Variants in DIAPH2 observed in about 807,000 individuals in gnomAD.
DIAPH2 encodes the protein diaphanous related formin 2, also known as protein diaphanous homolog 2.
DIAPH2 carries 35 observed loss-of-function variants against 92.7 expected under a neutral mutation model. The observed-to-expected ratio is 0.38, with a 90% CI of 0.29 to 0.50. The LOEUF (loss-of-function observed/expected upper bound fraction) is 0.50. Ranked by LOEUF, DIAPH2 falls within the 20% of genes least tolerant of loss-of-function variation. The probability of loss-of-function intolerance (pLI) is 0.94; values close to 1 mark genes in which losing one functional copy is unlikely to be tolerated. For missense variants in DIAPH2, 701 were observed against 819.5 expected, an observed-to-expected ratio of 0.86 and a Z score of 1.77; for synonymous variants, 301 against 280.4, an observed-to-expected ratio of 1.07 and a Z score of -0.73.
chrX:96,718,159 A>G (rs2063963640), intron 1 of DIAPH2, among the ~76,000 whole-genome samples: 1 of 105,799 alleles, frequency 9.5e-6, no homozygotes, highest in African/African-American at 3.4e-5. Context: ...TTCAATTGTT[A>G]TAATTTTTTT....
At chrX:96,695,483 T>C (rs142308797) in intron 1 of DIAPH2, among the ~76,000 whole-genome samples, 194 of 111,929 alleles carry the variant, frequency 1.7e-3, no homozygotes, top group African/African-American at 6.0e-3. Flanking sequence ...AATCCTACAT[T>C]TTAATATAAG....
At chrX:97,245,531 C>A (rs2068134565) in intron 22 of DIAPH2, among the ~76,000 whole-genome samples, 1 of 110,752 alleles carries the variant, frequency 9.0e-6, no homozygotes, top group Non-Finnish European at 1.9e-5. Flanking sequence ...CCTCAGCCTC[C>A]TAAAGAGCTG....
At chrX:97,226,848 C>CAT (rs1197444349) in intron 22 of DIAPH2, among the ~76,000 whole-genome samples, 1 of 111,810 alleles carries the variant, frequency 8.9e-6, no homozygotes, top group Non-Finnish European at 1.9e-5. Flanking sequence ...ATGTATATGT[C>CAT]ATAACAATAC....
chrX:96,795,909 G>C (rs1222862905), intron 4 of DIAPH2, among the ~76,000 whole-genome samples: 1 of 111,293 alleles, frequency 9.0e-6, no homozygotes, highest in African/African-American at 3.3e-5. Context: ...AATTGATATG[G>C]TTAATGCATT....
At chrX:96,969,082 A>G (rs978603012) in intron 17 of DIAPH2, among the ~76,000 whole-genome samples, 4 of 111,852 alleles carry the variant, frequency 3.6e-5, no homozygotes, top group Admixed American at 9.4e-5. Flanking sequence ...CCATTGGTCT[A>G]TGTGTCTATT....
At chrX:97,584,875 C>T (rs1449697453) in intron 26 of DIAPH2, among the ~76,000 whole-genome samples, 2 of 112,544 alleles carry the variant, frequency 1.8e-5, no homozygotes, top group Non-Finnish European at 3.8e-5. Flanking sequence ...GGATTACATC[C>T]GTATAATACA....
At chrX:97,170,343 A>T (rs1156617304) in intron 22 of DIAPH2, among the ~76,000 whole-genome samples, 1 of 112,277 alleles carries the variant, frequency 8.9e-6, no homozygotes. Context: ...GATGAAAAGG[A>T]ACCAACAGAG....
At chrX:97,225,009 G>A (rs1204360217) in intron 22 of DIAPH2, among the ~76,000 whole-genome samples, 2 of 110,639 alleles carry the variant, frequency 1.8e-5, no homozygotes, top group Admixed American at 1.9e-4. Context: ...TGAGATTTTG[G>A]CTTATCATGA....
chrX:96,833,654 T>C (rs765640212), intron 4 of DIAPH2, among the ~76,000 whole-genome samples: 38 of 109,834 alleles, frequency 3.5e-4, no homozygotes, highest in Non-Finnish European at 3.4e-4. Context: ...TTCTCAGGGG[T>C]TTATTTTATT....
intron 1 of DIAPH2, among the ~76,000 whole-genome samples, chrX:96,723,147 T>G (rs996316118): frequency 8.9e-6 from 1 of 111,972 alleles, no homozygotes; most frequent in African/African-American, 3.2e-5. Flanking sequence ...TTTGGGATAC[T>G]CAGAGCTCAG....
At position 97,146,007 on chromosome X, in the gene DIAPH2, C is replaced by CTTTTTTTT. The variant is rs372292277; in HGVS notation, c.2719+4232_2719+4239dup. On this transcript the variant is annotated intron_variant, in intron 22 of 26. Transcript: ENST00000324765. ...AGAATCTATTTCCTTTTTCTTCTTC[C>CTTTTTTTT]TTTTTTTTTTTTTTTTTTTTTTTTT... Among the ~76,000 whole-genome samples the CTTTTTTTT allele has an allele frequency of 7.9e-4, 34 of 43,171 alleles. 2 individuals carry two copies. The highest frequency in any genetic ancestry group is 1.7e-3 in the Admixed American group (4 of 2,333). 37.5% of individuals were successfully genotyped at this position (43,171 alleles called of 115,157 possible).
intron 23 of DIAPH2, among the ~76,000 whole-genome samples, chrX:97,249,870 G>A (rs1602449552): frequency 9.0e-6 from 1 of 111,468 alleles, no homozygotes; most frequent in East Asian, 2.8e-4. Flanking sequence ...GGAGGCTGAG[G>A]CGGGCGGATC....
At chrX:96,998,491 T>C (rs2066120066) in intron 17 of DIAPH2, among the ~76,000 whole-genome samples, 1 of 111,998 alleles carries the variant, frequency 8.9e-6, no homozygotes, top group South Asian at 3.7e-4. Flanking sequence ...AAAACTGGAT[T>C]CTTTTCATAT....
At chrX:97,374,138 C>T (rs1476871870) in intron 24 of DIAPH2, among the ~76,000 whole-genome samples, 1 of 110,125 alleles carries the variant, frequency 9.1e-6, no homozygotes, top group East Asian at 2.8e-4. Flanking sequence ...GACAGGGCTT[C>T]AGGGGAAGGT....
intron 18 of DIAPH2, 55 bp from the exon 19 acceptor site, chrX:97,075,112 G>A: frequency 1.3e-6 from 1 of 766,784 alleles, no homozygotes; most frequent in Admixed American, 3.0e-5. Context: ...ACGTTTATTA[G>A]GACTTTAACA....
chrX:97,226,068 A>C (rs1350132213), intron 22 of DIAPH2, among the ~76,000 whole-genome samples: 4 of 111,600 alleles, frequency 3.6e-5, no homozygotes, highest in African/African-American at 1.3e-4. Flanking sequence ...CTTATGGTGC[A>C]GGGCAGACTA....
At chrX:96,942,631 C>T (rs935429374) in intron 13 of DIAPH2, among the ~76,000 whole-genome samples, 3 of 110,773 alleles carry the variant, frequency 2.7e-5, no homozygotes, top group African/African-American at 9.8e-5. Context: ...TTTTCATAGA[C>T]CTTAGAGTTA....
chrX:97,589,799 C>T (rs747451246), intron 26 of DIAPH2, among the ~76,000 whole-genome samples: 2 of 112,234 alleles, frequency 1.8e-5, no homozygotes, highest in East Asian at 5.6e-4. Flanking sequence ...ATAGGCTCAG[C>T]CTGGCACTCA....
At chrX:96,767,011 C>T (rs759915293) in intron 4 of DIAPH2, among the ~76,000 whole-genome samples, 3 of 111,739 alleles carry the variant, frequency 2.7e-5, no homozygotes, top group South Asian at 7.6e-4. Flanking sequence ...CCTTTGTCAA[C>T]ATTCTAGCCA....
Sources: gnomAD v4.1 joint callset for allele counts (sites outside exome capture counted in the v4.1 genomes callset) on GRCh38, gnomAD v4.1.1 for gene constraint, MANE v1.5 for transcripts, NCBI Gene and HGNC (gene_info 2026-07-23, HGNC 2026-07-21) for gene names.